Variants in RGS6 observed in about 807,000 individuals in gnomAD.
RGS6 encodes the protein regulator of G protein signaling 6.
A neutral mutation model predicts 78.5 loss-of-function variants in RGS6; 30 were observed. The ratio of observed to expected loss-of-function variants is 0.38; its 90% confidence interval spans 0.29 to 0.52. The LOEUF (loss-of-function observed/expected upper bound fraction) is 0.52. Among genes scored for constraint, RGS6 ranks in the 20% least tolerant of loss-of-function variants. The probability of loss-of-function intolerance (pLI) is 0.85; values close to 1 mark genes in which losing one functional copy is unlikely to be tolerated. For synonymous variants in RGS6, 206 were observed against 206.0 expected (o/e 1.00, Z 0.00); for missense variants, 495 against 609.7 (o/e 0.81, Z 1.98).
chr14:72,132,643 TCACA>T (rs2096350315), intron 2 of RGS6, among the ~76,000 whole-genome samples: 2 of 152,268 alleles, frequency 1.3e-5, no homozygotes, highest in South Asian at 4.1e-4. Flanking sequence ...CATTTCCACT[TCACA>T]CACTCTTTTT....
chr14:72,078,792 A>C (rs1194658618), intron 2 of RGS6, among the ~76,000 whole-genome samples: 1 of 152,128 alleles, frequency 6.6e-6, no homozygotes, highest in Non-Finnish European at 1.5e-5. Context: ...CCTCTTCATT[A>C]TTCTTCTGAA....
intron 2 of RGS6, among the ~76,000 whole-genome samples, chr14:72,066,714 G>GA (rs917330690): frequency 4.7e-5 from 7 of 149,690 alleles, no homozygotes; most frequent in South Asian, 2.1e-4. Context: ...TAATTTACAG[G>GA]AAAAAAAATA....
chr14:71,888,871 T>TTCCCG, the RGS6 span, among the ~76,000 whole-genome samples: 1 of 152,160 alleles, frequency 6.6e-6, no homozygotes, highest in Non-Finnish European at 1.5e-5. Context: ...CATTATCACA[T>TTCCCG]CATTGAAAAC....
chr14:72,564,035 C>T lies in RGS6; in HGVS notation c.*1568C>T, dbSNP rs1426085185. On this transcript the variant is annotated 3_prime_UTR_variant, in exon 18 of 18. Transcript: ENST00000553525. ...CTCAGATGCTTGCTTATTTGCAGACCCGGCCTCCTGGGTGCTCCCCAGTGA... is the reference window on the plus strand; with the variant it reads ...CTCAGATGCTTGCTTATTTGCAGACTCGGCCTCCTGGGTGCTCCCCAGTGA... The T allele has an allele frequency of 6.6e-6, 1 of 152,194 alleles. No homozygotes were observed. Among genetic ancestry groups the T allele is most frequent in the Non-Finnish European group, 1.5e-5 (1 of 68,042 alleles). The allele number at this position is 152,194 out of a possible 1,614,324, so 9.4% of individuals were successfully genotyped here.
At chr14:72,539,806 CT>C (rs1469232825) in intron 16 of RGS6, among the ~76,000 whole-genome samples, 1 of 152,224 alleles carries the variant, frequency 6.6e-6, no homozygotes, top group Non-Finnish European at 1.5e-5. Context: ...CAAAGCCCCC[CT>C]CTCTGCTCCC....
intron 2 of RGS6, among the ~76,000 whole-genome samples, chr14:72,223,465 A>G (rs2047364298): frequency 2.0e-5 from 3 of 152,226 alleles, no homozygotes; most frequent in African/African-American, 4.8e-5. Context: ...TAAGGTTGTG[A>G]ACAAATCTGT....
Position 72,510,215 on chromosome 14 carries a change from G to T in RGS6, c.1027G>T (p.Asp343Tyr). ...CTTCTCTTTCGATGAGATATTGAAG[G>T]ACCAGGTGGGGCGGGACCAGTTTCT... ...WGFSFDEILK[D>Y]QVGRDQFLRF... Residue 343 changes from aspartate to tyrosine, a missense_variant, in exon 14 of 18, where the codon GAC becomes TAC. Coordinates refer to ENST00000553525, the MANE Select transcript of RGS6 (RefSeq NM_001204424.2). 6.2e-7 allele frequency: 1 copy of T among 1,614,064 alleles called. No homozygotes were observed. The highest frequency in any genetic ancestry group is 2.2e-5 in the East Asian group (1 of 44,892).
chr14:72,423,231 T>A (rs1320470259), intron 3 of RGS6, among the ~76,000 whole-genome samples: 1 of 152,196 alleles, frequency 6.6e-6, no homozygotes, highest in East Asian at 1.9e-4. Flanking sequence ...GACAAAGTCG[T>A]GAAATAGACA....
chr14:72,290,864 C>G (rs2238206), intron 2 of RGS6, among the ~76,000 whole-genome samples: 105,403 of 152,012 alleles, frequency 0.69, 36,741 homozygotes, highest in East Asian at 0.86. Flanking sequence ...GTGCCAAGGG[C>G]AACAAGGTTT....
chr14:71,997,718 G>A (rs1332466512), intron 2 of RGS6, among the ~76,000 whole-genome samples: 2 of 152,180 alleles, frequency 1.3e-5, no homozygotes, highest in African/African-American at 4.8e-5. Flanking sequence ...GGGGGTCAGA[G>A]TTCTGGGAAT....
At position 72,153,244 on chromosome 14, in the gene RGS6, C is replaced by T. The variant is rs983238920; in HGVS notation, c.84+188369C>T. On this transcript the variant is annotated intron_variant, in intron 2 of 17. Coordinates refer to ENST00000553525, the MANE Select transcript of RGS6 (RefSeq NM_001204424.2). ...GGTCCTTTTTGGAGCCCTTTGGAAA[C>T]CTGGTATTGGATGGGTTGGGTTACG... 9.8e-5 allele frequency among the ~76,000 whole-genome samples: 15 copies of T among 152,324 alleles called. 1 individual carries two copies. In the East Asian group the frequency reaches 2.9e-3, roughly 29 times the overall value.
intron 2 of RGS6, among the ~76,000 whole-genome samples, chr14:72,192,295 G>A (rs2097336355): frequency 6.6e-6 from 1 of 152,158 alleles, no homozygotes; most frequent in Non-Finnish European, 1.5e-5. Flanking sequence ...AAGTAGATTA[G>A]GTTATATCGT....
intron 2 of RGS6, among the ~76,000 whole-genome samples, chr14:72,318,150 T>C (rs1315934957): frequency 6.6e-6 from 1 of 152,014 alleles, no homozygotes; most frequent in Non-Finnish European, 1.5e-5. Flanking sequence ...TATTGCTCAG[T>C]GTACAGTGGG....
At chr14:72,190,841 T>C (rs2097314672) in intron 2 of RGS6, among the ~76,000 whole-genome samples, 1 of 152,178 alleles carries the variant, frequency 6.6e-6, no homozygotes, top group Admixed American at 6.5e-5. Flanking sequence ...TTTCCAGCTG[T>C]TCAATCCTAC....
chr14:72,412,823 G>T (rs1241469033), intron 3 of RGS6, among the ~76,000 whole-genome samples: 1 of 152,092 alleles, frequency 6.6e-6, no homozygotes, highest in Non-Finnish European at 1.5e-5. Context: ...ATTTTGTTAT[G>T]TACCCAGTAG....
chr14:72,211,365 G>A (rs1314464767), intron 2 of RGS6, among the ~76,000 whole-genome samples: 6 of 152,170 alleles, frequency 3.9e-5, no homozygotes, highest in Admixed American at 6.5e-5. Flanking sequence ...ACCTTAACAA[G>A]CATTGTTTTT....
intron 3 of RGS6, among the ~76,000 whole-genome samples, chr14:72,380,459 T>A (rs1472504009): frequency 7.9e-6 from 1 of 126,236 alleles, no homozygotes; most frequent in Non-Finnish European, 1.6e-5. Flanking sequence ...AACTCAAATA[T>A]CTTGACAGCA....
At chr14:72,216,841 A>G (rs994290460) in intron 2 of RGS6, among the ~76,000 whole-genome samples, 1 of 152,150 alleles carries the variant, frequency 6.6e-6, no homozygotes, top group African/African-American at 2.4e-5. Context: ...ATGTTGGGCG[A>G]CAAGGTGACA....
chr14:71,914,552 G>T, the RGS6 span, among the ~76,000 whole-genome samples: 1 of 151,916 alleles, frequency 6.6e-6, no homozygotes, highest in African/African-American at 2.4e-5. Flanking sequence ...ACTCATTCGG[G>T]TCCCTCCTTG....
Sources: allele counts gnomAD v4.1 joint callset (sites outside exome capture counted in the v4.1 genomes callset), GRCh38; gene constraint gnomAD v4.1.1; transcripts MANE v1.5; gene names NCBI Gene and HGNC (gene_info 2026-07-23, HGNC 2026-07-21).